WDR49: variants seen among roughly 807,000 people sequenced by gnomAD.
The protein encoded by WDR49 is cilia- and flagella-associated protein 337.
Under a neutral mutation model 119.5 loss-of-function variants are expected in WDR49, and 107 were observed. The ratio of observed to expected loss-of-function variants is 0.90; its 90% CI spans 0.77 to 1.05. The LOEUF is 1.05. WDR49 is among the 50% of genes least tolerant of loss of function. WDR49 has a pLI of 0.00. For synonymous variants in WDR49, 425 were observed against 418.8 expected, an observed-to-expected ratio of 1.01 and a Z score of -0.18; for missense variants, 1,240 against 1,220.5, an observed-to-expected ratio of 1.02 and a Z score of -0.24.
At chr3:167,488,662 C>A (rs1046462898) in intron 18 of WDR49, among the ~76,000 whole-genome samples, 2 of 152,096 alleles carry the variant, frequency 1.3e-5, no homozygotes, top group African/African-American at 2.4e-5. Flanking sequence ...ATTTAGAATC[C>A]TGGACAGTAG....
chr3:167,519,267 C>T (rs1287773050), intron 16 of WDR49, among the ~76,000 whole-genome samples: 1 of 152,102 alleles, frequency 6.6e-6, no homozygotes, highest in East Asian at 1.9e-4. Context: ...TACCATTTGA[C>T]CCAGCAATCT....
At chr3:167,529,774 T>C (rs1044326656) in intron 13 of WDR49, among the ~76,000 whole-genome samples, 1 of 152,122 alleles carries the variant, frequency 6.6e-6, no homozygotes, top group Non-Finnish European at 1.5e-5. Flanking sequence ...TAATTCATTG[T>C]AAACCCTTAT....
chr3:167,621,616 C>A lies in WDR49; in HGVS notation c.634G>T (p.Val212Phe), dbSNP rs767237534. The change falls in exon 4 of 19, where the codon GTT becomes TTT. Residue 212 changes from valine to phenylalanine, a missense_variant. Physicochemically the swap from Val to Phe is conservative, Grantham distance 50. Coordinates refer to ENST00000682715, the MANE Select transcript of WDR49 (RefSeq NM_001366157.1). ...KIAVAFTSKE[V>F]CFYDLLSKEE... ...TTGGACAGCAGATCATAGAAACAAA[C>A]CTCTTTACTTGTAAAAGCCACTGCT... The A allele has an allele frequency of 6.5e-7, 1 of 1,533,626 alleles. No individual in the cohort carries two copies. Among genetic ancestry groups the A allele is most frequent in the Non-Finnish European group, 8.7e-7 (1 of 1,145,692 alleles).
intron 18 of WDR49, among the ~76,000 whole-genome samples, chr3:167,496,702 C>G (rs566380091): frequency 6.6e-6 from 1 of 152,092 alleles, no homozygotes; most frequent in African/African-American, 2.4e-5. Flanking sequence ...TCTTTAGCAT[C>G]CAGCACAAAT....
At chr3:167,566,985 CA>C in intron 8 of WDR49, 1 of 549,824 alleles carries the variant, frequency 1.8e-6, no homozygotes, top group South Asian at 2.6e-5. Flanking sequence ...GGCAGGAGGT[CA>C]GGAGAGGTGG....
At chr3:167,486,770 A>T (rs935551200) in intron 18 of WDR49, among the ~76,000 whole-genome samples, 24 of 152,096 alleles carry the variant, frequency 1.6e-4, no homozygotes, top group Admixed American at 8.5e-4. Flanking sequence ...AGACAACCAC[A>T]CAATAATACT....
Position 167,621,535 on chromosome 3 carries a change from T to C in WDR49, c.715A>G (p.Met239Val). The C allele has an allele frequency of 2.0e-6, 3 of 1,535,628 alleles. No homozygotes were observed. The highest frequency in any genetic ancestry group is 1.4e-5 in the African/African-American group (1 of 73,118). The change falls in exon 4 of 19, where the codon ATG (methionine) becomes GTG (valine). Residue 239 changes from methionine to valine, a missense_variant. Physicochemically the swap from Met to Val is conservative, Grantham distance 21 (BLOSUM62 1). Coordinates refer to ENST00000682715, the MANE Select transcript of WDR49 (RefSeq NM_001366157.1). ...TCAAGAGGATCATACCAATAATCCATGCAAATTGGTGTTCCTTTCAGGCCT... is the reference window on the plus strand; with the variant it reads ...TCAAGAGGATCATACCAATAATCCACGCAAATTGGTGTTCCTTTCAGGCCT... ...LQGLKGTPIC[M>V]DYWYDPLDAN...
rs182995208 is a variant in WDR49 at position 167,519,210 on chromosome 3, G to T, written c.2774+3105C>A. Among the ~76,000 whole-genome samples, 10 of 152,144 alleles carry T rather than the reference G, an allele frequency of 6.6e-5. No individual in the cohort carries two copies. The East Asian group carries it at 1.4e-3, about 21-fold the overall frequency. ...AATTAGTTCACTCATGGTCTAAGAT[G>T]GTGTGGTGATTCCTCAAAGACCTAG... is the stretch of plus-strand genomic sequence containing the variant. On this transcript the variant is annotated intron_variant, in intron 16 of 18. Transcript: ENST00000682715.
intron 18 of WDR49, among the ~76,000 whole-genome samples, chr3:167,497,671 C>T (rs1577198190): frequency 6.6e-6 from 1 of 152,132 alleles, no homozygotes; most frequent in East Asian, 1.9e-4. Flanking sequence ...CTTTCCTCTC[C>T]AGCTTTTGCA....
In WDR49 at chr3:167,547,135, T is replaced by A. The variant is rs535644779; in HGVS notation, c.1823+7515A>T. Among the ~76,000 whole-genome samples the A allele has an allele frequency of 2.6e-5, 4 of 151,962 alleles. No homozygotes were observed. In the East Asian group the frequency reaches 5.8e-4, roughly 22 times the overall value. On this transcript the variant is annotated intron_variant, in intron 10 of 18. Coordinates refer to ENST00000682715, the MANE Select transcript of WDR49 (RefSeq NM_001366157.1). ...TTGGAATATTCCATTCTGATTCTTA[T>A]CCTAATAATGGAAACCAATTGAGTC...
rs1717542329 is a variant in WDR49 at position 167,634,919 on chromosome 3, G to A, written c.166-7627C>T. On this transcript the variant is annotated intron_variant, in intron 2 of 18. Coordinates refer to ENST00000682715, the MANE Select transcript of WDR49 (RefSeq NM_001366157.1). ...ACGACCAGTTATTATTTACAAAATA[G>A]TGTCATGATATACATACATATCTTT... is the stretch of plus-strand genomic sequence containing the variant. Among the ~76,000 whole-genome samples the A allele has an allele frequency of 3.3e-5, 5 of 151,896 alleles. No homozygotes were observed. In the South Asian group the frequency reaches 1.0e-3, roughly 31 times the overall value.
At chr3:167,561,573 C>G (rs1713273375) in intron 8 of WDR49, among the ~76,000 whole-genome samples, 1 of 152,056 alleles carries the variant, frequency 6.6e-6, no homozygotes, top group Admixed American at 6.5e-5. Flanking sequence ...GAGTGGAAAA[C>G]CTGAAATCCA....
chr3:167,638,676 G>A (rs1302839642), intron 2 of WDR49, among the ~76,000 whole-genome samples: 2 of 151,578 alleles, frequency 1.3e-5, no homozygotes, highest in Non-Finnish European at 3.0e-5. Context: ...GTGAACAACA[G>A]AACAGGGGAA....
Position 167,566,784 on chromosome 3 carries a change from AG to A in WDR49, c.1510-6557del, listed in dbSNP as rs1251442705. On this transcript the variant is annotated intron_variant, in intron 8 of 18. Transcript: ENST00000682715. Reference sequence around the variant, plus strand: ...CTTACAACAAAGTAAGCTAGAGAAAAGAAAATGTTATTAAGAAAATTATAAG... The same window carrying A: ...CTTACAACAAAGTAAGCTAGAGAAAAAAAATGTTATTAAGAAAATTATAAG... The A allele has an allele frequency of 2.5e-5, 15 of 599,610 alleles. No homozygotes were observed. In the African/African-American group the frequency reaches 2.8e-4, roughly 11 times the overall value. The allele number at this position is 599,610 out of a possible 1,614,324, so 37.1% of individuals were successfully genotyped here.
At chr3:167,643,928 A>G (rs528047929) in intron 2 of WDR49, among the ~76,000 whole-genome samples, 1 of 152,158 alleles carries the variant, frequency 6.6e-6, no homozygotes, top group East Asian at 1.9e-4. Context: ...GAAATTATAA[A>G]TAAGTCAAAA....
intron 11 of WDR49, among the ~76,000 whole-genome samples, 166 bp downstream of exon 11, chr3:167,536,704 T>TATATAC (rs1417816423): frequency 3.0e-4 from 19 of 62,488 alleles, no homozygotes; most frequent in African/African-American, 1.1e-3. Flanking sequence ...TATATATATA[T>TATATAC]ACACACACAT....
At chr3:167,593,139 T>G (rs776814390) in intron 7 of WDR49, among the ~76,000 whole-genome samples, 7 of 152,280 alleles carry the variant, frequency 4.6e-5, no homozygotes, top group Non-Finnish European at 1.0e-4. Context: ...GACATTGATA[T>G]GTTTCGCTAG....
intron 10 of WDR49, 120 bp from the exon 11 acceptor site, chr3:167,537,120 AT>A: frequency 1.0e-6 from 1 of 991,962 alleles, no homozygotes; most frequent in Non-Finnish European, 1.3e-6. Flanking sequence ...CCCAAAATTT[AT>A]CCCCACTTGA....
chr3:167,520,609 A>G (rs2108230307), intron 16 of WDR49, among the ~76,000 whole-genome samples: 1 of 152,328 alleles, frequency 6.6e-6, no homozygotes, highest in Non-Finnish European at 1.5e-5. Flanking sequence ...TGGAAGAACA[A>G]ATACCAAAGT....
Sources: gnomAD v4.1 joint callset for allele counts (sites outside exome capture counted in the v4.1 genomes callset) on GRCh38, gnomAD v4.1.1 for gene constraint, MANE v1.5 for transcripts, NCBI Gene and HGNC (gene_info 2026-07-23, HGNC 2026-07-21) for gene names.